NELL1: variants seen among roughly 807,000 people sequenced by gnomAD.
NELL1 encodes neural EGFL like 1, also known as protein kinase C-binding protein NELL1.
Under a neutral mutation model 107.4 loss-of-function variants are expected in NELL1, and 76 were observed. That is an observed-to-expected ratio of 0.71 (90% confidence interval 0.59 to 0.86). NELL1 has a LOEUF of 0.86. NELL1 is among the 40% of genes least tolerant of loss of function. The pLI is 0.00. For missense variants in NELL1, 1,024 were observed against 1,005.5 expected, an observed-to-expected ratio of 1.02 and a Z score of -0.25; for synonymous variants, 353 against 341.2, an observed-to-expected ratio of 1.03 and a Z score of -0.38.
intron 14 of NELL1, among the ~76,000 whole-genome samples, chr11:21,344,503 T>C (rs2133708790): frequency 1.3e-5 from 2 of 152,224 alleles, no homozygotes; most frequent in South Asian, 4.2e-4. Context: ...AGGCCTCTCA[T>C]AACAATTTTC....
intron 7 of NELL1, among the ~76,000 whole-genome samples, chr11:20,922,266 G>A (rs1850396051): frequency 6.6e-6 from 1 of 152,072 alleles, no homozygotes; most frequent in African/African-American, 2.4e-5. Context: ...GTTGTCTTTG[G>A]TGCTCACTTA....
At chr11:21,449,542 GAGC>G (rs1316315601) in intron 15 of NELL1, among the ~76,000 whole-genome samples, 1 of 152,066 alleles carries the variant, frequency 6.6e-6, no homozygotes, top group African/African-American at 2.4e-5. Flanking sequence ...TTTCTTTGAA[GAGC>G]AGAAGTTTTA....
intron 14 of NELL1, among the ~76,000 whole-genome samples, chr11:21,307,479 A>G (rs1401220039): frequency 6.6e-6 from 1 of 151,986 alleles, no homozygotes; most frequent in African/African-American, 2.4e-5. Flanking sequence ...TTACCGGTAC[A>G]CTCACACACA....
intron 2 of NELL1, among the ~76,000 whole-genome samples, chr11:20,705,316 G>C (rs1447723799): frequency 6.6e-6 from 1 of 152,016 alleles, no homozygotes; most frequent in South Asian, 2.1e-4. Flanking sequence ...CCAAAACAGA[G>C]ATATAGACCA....
chr11:21,175,623 G>A (rs79389855), intron 13 of NELL1, among the ~76,000 whole-genome samples: 2,737 of 151,862 alleles, frequency 0.018, 140 homozygotes, highest in African/African-American at 0.062. Flanking sequence ...TGCTACATAG[G>A]TATCAGTCTT....
chr11:21,056,025 G>A (rs944542258), intron 12 of NELL1, among the ~76,000 whole-genome samples: 1 of 151,990 alleles, frequency 6.6e-6, no homozygotes, highest in Non-Finnish European at 1.5e-5. Context: ...CTAGGCTCTG[G>A]GCCAGACACT....
intron 12 of NELL1, among the ~76,000 whole-genome samples, chr11:21,053,664 A>G (rs1167953037): frequency 6.6e-6 from 1 of 152,140 alleles, no homozygotes; most frequent in Non-Finnish European, 1.5e-5. Context: ...CTTTTCTTTC[A>G]GTCTTTTCTG....
chr11:20,673,393 G>A (rs1017618329), intron 1 of NELL1, among the ~76,000 whole-genome samples: 2 of 141,396 alleles, frequency 1.4e-5, no homozygotes, highest in Admixed American at 1.4e-4. Flanking sequence ...GGTTAAATGA[G>A]CTCTTGGAGC....
At chr11:21,558,684 T>C (rs117139434) in intron 16 of NELL1, among the ~76,000 whole-genome samples, 2,659 of 152,068 alleles carry the variant, frequency 0.017, 45 homozygotes, top group East Asian at 0.078. Context: ...ATATAGAAGA[T>C]AAATGAGAGA....
At chr11:20,963,534 T>G (rs568284897) in intron 12 of NELL1, among the ~76,000 whole-genome samples, 1 of 152,082 alleles carries the variant, frequency 6.6e-6, no homozygotes, top group Admixed American at 6.6e-5. Flanking sequence ...AACCATTCTT[T>G]TATGATTACA....
intron 15 of NELL1, among the ~76,000 whole-genome samples, chr11:21,418,274 T>G (rs924835300): frequency 3.3e-5 from 5 of 151,968 alleles, no homozygotes; most frequent in Non-Finnish European, 7.4e-5. Flanking sequence ...CAGTAAGTTA[T>G]TTGGATAGAA....
At chr11:21,520,384 T>C (rs892854305) in intron 15 of NELL1, among the ~76,000 whole-genome samples, 4 of 152,098 alleles carry the variant, frequency 2.6e-5, no homozygotes, top group Admixed American at 6.5e-5. Context: ...CAAATCAAGA[T>C]GAATGCGGCT....
intron 14 of NELL1, among the ~76,000 whole-genome samples, chr11:21,257,178 A>C (rs1158796260): frequency 6.6e-6 from 1 of 152,030 alleles, no homozygotes; most frequent in African/African-American, 2.4e-5. Flanking sequence ...GTAAGAATAT[A>C]TTAGAATAGA....
intron 15 of NELL1, among the ~76,000 whole-genome samples, chr11:21,382,938 A>G (rs887608107): frequency 6.6e-6 from 1 of 151,944 alleles, no homozygotes; most frequent in Admixed American, 6.6e-5. Context: ...AAGGATAAAT[A>G]GGAAGAAAAT....
At chr11:21,474,740 G>A (rs1854280869) in intron 15 of NELL1, among the ~76,000 whole-genome samples, 1 of 152,038 alleles carries the variant, frequency 6.6e-6, no homozygotes, top group Non-Finnish European at 1.5e-5. Context: ...TTAGGTATTT[G>A]TTTTTCTCAC....
At chr11:21,437,864 T>C (rs1228782512) in intron 15 of NELL1, among the ~76,000 whole-genome samples, 2 of 152,220 alleles carry the variant, frequency 1.3e-5, no homozygotes, top group Non-Finnish European at 2.9e-5. Context: ...CTATATCTTT[T>C]AGTTGGAAAA....
At chr11:21,558,323 A>G (rs1320674684) in intron 16 of NELL1, among the ~76,000 whole-genome samples, 2 of 152,006 alleles carry the variant, frequency 1.3e-5, no homozygotes, top group African/African-American at 2.4e-5. Flanking sequence ...AATACATTTT[A>G]TATATATTTA....
At chr11:21,457,811 AAAG>A (rs1853785467) in intron 15 of NELL1, among the ~76,000 whole-genome samples, 1 of 152,190 alleles carries the variant, frequency 6.6e-6, no homozygotes, top group African/African-American at 2.4e-5. Flanking sequence ...GGGAAAAAAT[AAAG>A]AAGACTGAGA....
chr11:21,225,996 C>G (rs183475040), intron 13 of NELL1, among the ~76,000 whole-genome samples: 14 of 152,258 alleles, frequency 9.2e-5, no homozygotes, highest in African/African-American at 3.4e-4. Flanking sequence ...CTAAACTAGG[C>G]CGGTGACTTT....
Sources: allele counts gnomAD v4.1 joint callset (sites outside exome capture counted in the v4.1 genomes callset), GRCh38; gene constraint gnomAD v4.1.1; transcripts MANE v1.5; gene names NCBI Gene and HGNC (gene_info 2026-07-23, HGNC 2026-07-21).